The following MRPL44 variants were observed in gnomAD, a reference collection of about 807,000 sequenced individuals.
The protein encoded by MRPL44 is large ribosomal subunit protein mL44.
MRPL44 carries 21 observed loss-of-function variants against 25.9 expected under a neutral mutation model. The ratio of observed to expected loss-of-function variants is 0.81; its 90% CI spans 0.58 to 1.17. The LOEUF is 1.17. MRPL44 is among the 50% of genes most tolerant of loss of function. The pLI is 0.00. For missense variants in MRPL44, 410 were observed against 398.9 expected (o/e 1.03, Z -0.24); for synonymous variants, 169 against 151.0 (o/e 1.12, Z -0.87).
At chr2:223,963,656 CTG>C (rs1389095200) in intron 2 of MRPL44, 98 bp from the exon 3 acceptor site, 3 of 696,996 alleles carry the variant, frequency 4.3e-6, no homozygotes, top group Non-Finnish European at 6.2e-6. Flanking sequence ...AAAATGTACT[CTG>C]TGGCTTCTCT....
At position 223,965,146 on chromosome 2, in the gene MRPL44, T is replaced by G. The variant is rs182196216; in HGVS notation, c.827+1212T>G. On this transcript the variant is annotated intron_variant, in intron 3 of 3. Coordinates refer to ENST00000258383, the MANE Select transcript of MRPL44 (RefSeq NM_022915.5). ...TACATAATGACTTTTTAAAACGTGA[T>G]CAGTGATAAAACCAGCAACATTAGA... Among the ~76,000 whole-genome samples, 279 of 152,310 alleles carry G rather than the reference T, an allele frequency of 1.8e-3. 4 individuals are homozygous for G. Among genetic ancestry groups the G allele is most frequent in the Admixed American group, 0.014 (210 of 15,302 alleles).
upstream of MRPL44, among the ~76,000 whole-genome samples, chr2:223,953,591 A>G (rs1689523388): frequency 6.6e-6 from 1 of 152,260 alleles, no homozygotes; most frequent in South Asian, 2.1e-4. Flanking sequence ...GGACAGACTG[A>G]AAAAGAAGTC....
chr2:223,955,518 C>G (rs3806489), upstream of MRPL44, among the ~76,000 whole-genome samples: 1 of 152,008 alleles, frequency 6.6e-6, no homozygotes, highest in Non-Finnish European at 1.5e-5. Flanking sequence ...TTCTGTGCCC[C>G]GTATTCCAGC....
chr2:223,964,301 A>G (rs985652079), intron 3 of MRPL44, among the ~76,000 whole-genome samples: 3 of 152,194 alleles, frequency 2.0e-5, no homozygotes, highest in Non-Finnish European at 4.4e-5. Flanking sequence ...CAGTAGCTTC[A>G]ACTGAGCCTA....
chr2:223,960,152 A>C (rs980008847), intron 2 of MRPL44, 150 bp downstream of exon 2: 29 of 619,140 alleles, frequency 4.7e-5, no homozygotes, highest in Admixed American at 9.4e-5. Flanking sequence ...AAGGGCTGTA[A>C]TTATTCCAGT....
chr2:223,967,323 C>G lies in MRPL44; in HGVS notation c.*289C>G, dbSNP rs1404941781. ...TCTCGGCTCACTGCAACCTCCACCTCACAGGTTCAAGCGATTCTCGTGGCT... is the reference window on the plus strand; with the variant it reads ...TCTCGGCTCACTGCAACCTCCACCTGACAGGTTCAAGCGATTCTCGTGGCT... On this transcript the variant is annotated 3_prime_UTR_variant, in exon 4 of 4. Transcript: ENST00000258383. 4.3e-6 allele frequency: 1 copy of G among 234,570 alleles called. No individual in the cohort carries two copies. Among genetic ancestry groups the G allele is most frequent in the Non-Finnish European group, 8.3e-6 (1 of 120,942 alleles). 14.5% of individuals were successfully genotyped at this position (234,570 alleles called of 1,614,324 possible).
chr2:223,965,720 C>T (rs951715216), intron 3 of MRPL44: 1 of 152,024 alleles, frequency 6.6e-6, no homozygotes, highest in Non-Finnish European at 1.5e-5. Flanking sequence ...TTAGATTTAT[C>T]GATAGAATAC....
chr2:223,951,481 T>TG, the MRPL44 span, among the ~76,000 whole-genome samples: 2 of 133,844 alleles, frequency 1.5e-5, no homozygotes, highest in African/African-American at 6.9e-5. Flanking sequence ...CCTTGGAGTT[T>TG]TTTTTTTTTT....
upstream of MRPL44, among the ~76,000 whole-genome samples, chr2:223,952,520 T>C (rs78575578): frequency 0.014 from 2,122 of 152,330 alleles, 64 homozygotes; most frequent in African/African-American, 0.049. Flanking sequence ...GCCTTTGTTC[T>C]CTTGGTAAGA....
At chr2:223,961,765 A>T (rs1312014425) in intron 2 of MRPL44, among the ~76,000 whole-genome samples, 1 of 152,196 alleles carries the variant, frequency 6.6e-6, no homozygotes, top group South Asian at 2.1e-4. Context: ...CTCAAACCCT[A>T]CTAGAAAGCT....
At chr2:223,954,928 T>C (rs1689543303), upstream of MRPL44, among the ~76,000 whole-genome samples, 1 of 152,220 alleles carries the variant, frequency 6.6e-6, no homozygotes, top group Non-Finnish European at 1.5e-5. Context: ...TATAACAGAA[T>C]TATACTAACA....
Position 223,959,773 on chromosome 2 carries a change from T to G in MRPL44, c.419T>G (p.Phe140Cys). 2 of 1,614,204 alleles carry G rather than the reference T, an allele frequency of 1.2e-6. No homozygotes were observed. The highest frequency in any genetic ancestry group is 1.7e-6 in the Non-Finnish European group (2 of 1,180,044). Residue 140 changes from phenylalanine to cysteine, a missense_variant, in exon 2 of 4, where the codon TTT (phenylalanine) becomes TGT (cysteine). Physicochemically the swap from Phe to Cys is radical, Grantham distance 205. Transcript: ENST00000258383. Reference sequence around the variant, plus strand: ...TTTTCACAGACTTGCCTTACACAGTTTCTTGAAGACGAGTACCCAGACATG... The same window carrying G: ...TTTTCACAGACTTGCCTTACACAGTGTCTTGAAGACGAGTACCCAGACATG... ...TSFSQTCLTQ[F>C]LEDEYPDMPT...
upstream of MRPL44, among the ~76,000 whole-genome samples, chr2:223,954,142 T>C (rs1369156069): frequency 6.6e-6 from 1 of 152,210 alleles, no homozygotes; most frequent in Non-Finnish European, 1.5e-5. Flanking sequence ...TTTCACTTTT[T>C]GGAGCGGAAT....
intron 2 of MRPL44, among the ~76,000 whole-genome samples, chr2:223,960,210 T>C (rs983687731): frequency 1.3e-5 from 2 of 152,200 alleles, no homozygotes; most frequent in African/African-American, 4.8e-5. Context: ...AATTGTGGGT[T>C]GTGATTTCTG....
chr2:223,965,061 G>A (rs1689721468), intron 3 of MRPL44, among the ~76,000 whole-genome samples: 1 of 151,936 alleles, frequency 6.6e-6, no homozygotes, highest in Admixed American at 6.5e-5. Context: ...AAAAATGTAA[G>A]AAGTAATTTG....
At chr2:223,960,034 TAGAC>T in intron 2 of MRPL44, 32 bp downstream of exon 2, 2 of 1,478,426 alleles carry the variant, frequency 1.4e-6, no homozygotes, top group Non-Finnish European at 1.8e-6. Flanking sequence ...ATGCTTGAGA[TAGAC>T]AGAAGGGAAA....
At chr2:223,960,093 G>C in intron 2 of MRPL44, 91 bp downstream of exon 2, 2 of 1,088,206 alleles carry the variant, frequency 1.8e-6, no homozygotes, top group Non-Finnish European at 2.6e-6. Flanking sequence ...CCTTGGAAGT[G>C]AATTTTTCTC....
In MRPL44 at chr2:223,959,946, G is replaced by A; in HGVS notation, c.592G>A (p.Val198Ile). The A allele has an allele frequency of 1.2e-6, 2 of 1,614,220 alleles. No individual in the cohort carries two copies. The highest frequency in any genetic ancestry group is 1.7e-6 in the Non-Finnish European group (2 of 1,180,038). The change falls in exon 2 of 4, where the codon GTT becomes ATT. Residue 198 changes from valine to isoleucine, a missense_variant. Val to Ile is a conservative substitution (Grantham distance 29). Coordinates refer to ENST00000258383, the MANE Select transcript of MRPL44 (RefSeq NM_022915.5). Reference protein sequence around the residue: ...PAVLQQTFFAVIGALLQSSGP... With the variant: ...PAVLQQTFFAIIGALLQSSGP... ...TGTGTTACAGCAGACTTTCTTTGCA[G>A]TTATTGGAGCCCTGTTACAGAGCAG...
At chr2:223,957,330 C>A (rs561330088), upstream of MRPL44, 15 of 1,039,878 alleles carry the variant, frequency 1.4e-5, no homozygotes, top group East Asian at 1.0e-4. Flanking sequence ...CCGCCCCTGC[C>A]CTCTCTCAGT....
Sources: allele counts gnomAD v4.1 joint callset (sites outside exome capture counted in the v4.1 genomes callset), GRCh38; gene constraint gnomAD v4.1.1; transcripts MANE v1.5; gene names NCBI Gene and HGNC (gene_info 2026-07-23, HGNC 2026-07-21).